LMF1: variants seen among roughly 807,000 people sequenced by gnomAD.
LMF1 encodes transmembrane protein 112.
In LMF1, 68 loss-of-function variants were observed where a neutral mutation model predicts 60.6. The ratio of observed to expected loss-of-function variants is 1.12; its 90% CI spans 0.92 to 1.37. LMF1 has a LOEUF of 1.37. Among genes scored for constraint, LMF1 ranks in the 40% most tolerant of loss-of-function variants. The probability of loss-of-function intolerance (pLI) is 0.00; values close to 1 mark genes in which losing one functional copy is unlikely to be tolerated. For missense variants in LMF1, 948 were observed against 767.2 expected (o/e 1.24, Z -2.78); for synonymous variants, 418 against 324.7 (o/e 1.29, Z -3.09).
Position 962,709 on chromosome 16 carries a change from C to T in LMF1, c.194-8043G>A, listed in dbSNP as rs1342422160. On this transcript the variant is annotated intron_variant, in intron 1 of 10. Coordinates refer to ENST00000262301, the MANE Select transcript of LMF1 (RefSeq NM_022773.4). This position sits in a 1 kb window ranked among gnomAD's most constrained non-coding sequence, Gnocchi z 4.5. ...CCTGCACAGGAAAGTCTGGGAGACT[C>T]ACAGACCAGGGAGGGAGGGAGGAGA... Among the ~76,000 whole-genome samples the T allele has an allele frequency of 6.6e-6, 1 of 152,184 alleles. No individual in the cohort carries two copies. The highest frequency in any genetic ancestry group is 2.4e-5 in the African/African-American group (1 of 41,434).
At chr16:869,447 G>T in intron 9 of LMF1, 1 of 543,824 alleles carries the variant, frequency 1.8e-6, no homozygotes, top group Admixed American at 2.2e-5. Flanking sequence ...TTTCCTGTTC[G>T]CTGAGACAGG....
upstream of LMF1, among the ~76,000 whole-genome samples, chr16:975,074 T>G (rs535214802): frequency 1.3e-5 from 2 of 152,222 alleles, no homozygotes; most frequent in Non-Finnish European, 2.9e-5. Flanking sequence ...AGAGCAGGTG[T>G]TGTGCCATTT....
intron 1 of LMF1, chr16:979,097 G>C: frequency 2.2e-6 from 1 of 453,914 alleles, no homozygotes; most frequent in Non-Finnish European, 4.4e-6. Flanking sequence ...GCTCCATCCT[G>C]TGTGGGAAAG....
At chr16:964,226 G>A in intron 1 of LMF1, 2 of 439,660 alleles carry the variant, frequency 4.5e-6, no homozygotes, top group Non-Finnish European at 9.3e-6. Flanking sequence ...AAATCGGAAG[G>A]CGGAGGTTGT....
chr16:974,137 CTT>C (rs1261075405), upstream of LMF1, among the ~76,000 whole-genome samples: 2 of 152,208 alleles, frequency 1.3e-5, no homozygotes, highest in African/African-American at 2.4e-5. Context: ...CACCTTACTT[CTT>C]TGTCTATATT....
rs776718553 is a variant in LMF1, at chr16:893,056, C to T, written c.680G>A (p.Arg227Gln). Residue 227 changes from arginine (R) to glutamine (Q), a missense_variant, in exon 5 of 11, where the codon CGG becomes CAG. Arg to Gln is a conservative substitution (Grantham distance 43). Coordinates refer to ENST00000262301, the MANE Select transcript of LMF1 (RefSeq NM_022773.4). ...IMLGAGLIKI[R>Q]GDRCWRDLTC... is the part of the protein sequence containing the mutation. Reference sequence around the variant, plus strand: ...GAGGTCTCGCCAGCACCGGTCCCCCCGGATCTTGATCAGGCCCTGCAAGGA... The same window carrying T: ...GAGGTCTCGCCAGCACCGGTCCCCCTGGATCTTGATCAGGCCCTGCAAGGA... 3.3e-5 allele frequency: 51 copies of T among 1,553,990 alleles called. No homozygotes were observed. The highest frequency in any genetic ancestry group is 2.1e-4 in the South Asian group (18 of 84,174).
rs114684935 is a variant in LMF1, at chr16:856,161, C to T, written c.1530-1455G>A. On this transcript the variant is annotated intron_variant, in intron 10 of 10. Transcript: ENST00000262301. Reference sequence around the variant, plus strand: ...GGTGATGCTGGCAGTTGGTGGCTCCCGTCCACTCCAGGAGGGCACTGCCCA... The same window carrying T: ...GGTGATGCTGGCAGTTGGTGGCTCCTGTCCACTCCAGGAGGGCACTGCCCA... 4.0e-3 allele frequency: 1,438 copies of T among 362,858 alleles called. 12 individuals are homozygous for T. The highest frequency in any genetic ancestry group is 0.028 in the African/African-American group (1,330 of 46,862). The allele number at this position is 362,858 out of a possible 1,614,324, so 22.5% of individuals were successfully genotyped here. A position where few individuals can be genotyped will look rare whatever the true frequency, so the allele number is the denominator to read the frequency against.
At chr16:889,312 G>A (rs7203589) in intron 5 of LMF1, among the ~76,000 whole-genome samples, 32,034 of 152,092 alleles carry the variant, frequency 0.21, 3,850 homozygotes, top group African/African-American at 0.29. Flanking sequence ...ACTGCCTTTC[G>A]TTACCAGCAG....
At chr16:920,118 C>T (rs1208114366) in intron 3 of LMF1, among the ~76,000 whole-genome samples, 1 of 152,220 alleles carries the variant, frequency 6.6e-6, no homozygotes. Flanking sequence ...CACACCAGCC[C>T]TGGCCCGTCA....
intron 10 of LMF1, among the ~76,000 whole-genome samples, chr16:860,313 C>G (rs530566973): frequency 2.0e-5 from 3 of 151,850 alleles, no homozygotes; most frequent in African/African-American, 7.2e-5. Context: ...GGCCCTAGAT[C>G]CCAAAGATTT....
intron 3 of LMF1, among the ~76,000 whole-genome samples, chr16:923,207 C>T (rs2071493181): frequency 6.6e-6 from 1 of 152,156 alleles, no homozygotes; most frequent in Non-Finnish European, 1.5e-5. Flanking sequence ...AATGTGATGC[C>T]TGGGATCTGC....
chr16:981,301 TGTGAGAGAGAGAGAGAGA>T (rs1472847923), upstream of LMF1: 4 of 330,876 alleles, frequency 1.2e-5, no homozygotes, highest in African/African-American at 3.5e-5. Flanking sequence ...TGTGTGTGTG[TGTGAGAGAGAGAGAGAGA>T]GAGAGAGAGA....
chr16:941,881 T>A (rs1366176523), intron 2 of LMF1, among the ~76,000 whole-genome samples: 1 of 152,232 alleles, frequency 6.6e-6, no homozygotes, highest in African/African-American at 2.4e-5. Flanking sequence ...GTGCTAATGT[T>A]GTGTATATTA....
At chr16:977,581 G>T (rs1313343175) in intron 1 of LMF1, among the ~76,000 whole-genome samples, 2 of 152,150 alleles carry the variant, frequency 1.3e-5, no homozygotes. Flanking sequence ...GCACACACCG[G>T]CTGCCAGCGG....
At chr16:892,820 C>T (rs533105369) in intron 5 of LMF1, among the ~76,000 whole-genome samples, 187 bp downstream of exon 5, 1 of 152,322 alleles carries the variant, frequency 6.6e-6, no homozygotes, top group African/African-American at 2.4e-5. Flanking sequence ...ACCCCGTCCC[C>T]GCAGCCCCAG....
intron 4 of LMF1, among the ~76,000 whole-genome samples, chr16:909,312 A>G (rs1184038791): frequency 6.6e-6 from 1 of 152,126 alleles, no homozygotes; most frequent in Non-Finnish European, 1.5e-5. Flanking sequence ...GCTGAACGAG[A>G]TGGAAAGAAG....
chr16:948,217 G>A (rs1597052298), intron 2 of LMF1, among the ~76,000 whole-genome samples: 1 of 147,552 alleles, frequency 6.8e-6, no homozygotes, highest in Non-Finnish European at 1.5e-5. Flanking sequence ...GCCAATGACA[G>A]AGTCAGAGAC....
intron 4 of LMF1, among the ~76,000 whole-genome samples, chr16:907,519 C>A (rs1024673795): frequency 5.9e-5 from 9 of 152,266 alleles, no homozygotes; most frequent in African/African-American, 1.7e-4. Flanking sequence ...CTGCTTGGCA[C>A]CCTCATCGGG....
upstream of LMF1, among the ~76,000 whole-genome samples, chr16:971,972 T>C (rs1349788158): frequency 6.6e-6 from 1 of 152,248 alleles, no homozygotes; most frequent in African/African-American, 2.4e-5. Flanking sequence ...CTCTTTTGCC[T>C]CTCTAGCTTT....
Sources: gnomAD v4.1 joint callset for allele counts (sites outside exome capture counted in the v4.1 genomes callset) on GRCh38, gnomAD v4.1.1 for gene constraint, Gnocchi (gnomAD v3.1) non-coding constraint, MANE v1.5 for transcripts, NCBI Gene and HGNC (gene_info 2026-07-23, HGNC 2026-07-21) for gene names.